CYP2C19: variants seen among roughly 807,000 people sequenced by gnomAD.
The protein encoded by CYP2C19 is cytochrome P450 2C19.
CYP2C19 carries 59 observed loss-of-function variants against 40.9 expected under a neutral mutation model. The observed-to-expected ratio is 1.44, with a 90% CI of 1.17 to 1.79. The LOEUF (loss-of-function observed/expected upper bound fraction) is 1.79, where lower values mean the gene tolerates loss of function less well. Among genes scored for constraint, CYP2C19 ranks in the 40% most tolerant of loss-of-function variants. The pLI is 0.00. For synonymous variants in CYP2C19, 253 were observed against 208.7 expected (o/e 1.21, Z -1.83); for missense variants, 754 against 596.9 (o/e 1.26, Z -2.74).
intron 6 of CYP2C19, among the ~76,000 whole-genome samples, chr10:94,830,570 A>C (rs1461464927): frequency 1.3e-5 from 2 of 152,114 alleles, no homozygotes; most frequent in Non-Finnish European, 2.9e-5. Flanking sequence ...CTCCCTAGTG[A>C]GATGAACCGG....
At chr10:94,824,463 G>C (rs1849180152) in intron 6 of CYP2C19, among the ~76,000 whole-genome samples, 1 of 152,136 alleles carries the variant, frequency 6.6e-6, no homozygotes, top group Non-Finnish European at 1.5e-5. Flanking sequence ...TGAGAATGAA[G>C]AGAATACCAT....
intron 1 of CYP2C19, 106 bp from the exon 2 acceptor site, chr10:94,774,952 A>G: frequency 2.5e-6 from 3 of 1,203,564 alleles, no homozygotes; most frequent in African/African-American, 1.5e-5. Context: ...AGCCTGTGTG[A>G]CTGAATAAAA....
intron 7 of CYP2C19, 79 bp from the exon 8 acceptor site, chr10:94,849,838 T>A: frequency 1.3e-6 from 2 of 1,543,392 alleles, no homozygotes; most frequent in South Asian, 2.2e-5. Context: ...ATCAAAAGAT[T>A]TAACTGCATG....
chr10:94,785,650 G>A (rs1564664450), intron 5 of CYP2C19, among the ~76,000 whole-genome samples: 1 of 152,134 alleles, frequency 6.6e-6, no homozygotes, highest in Non-Finnish European at 1.5e-5. Flanking sequence ...AAGCATTTGG[G>A]AATTCTCAGT....
intron 5 of CYP2C19, among the ~76,000 whole-genome samples, chr10:94,816,433 A>C (rs10509678): frequency 0.048 from 7,243 of 152,214 alleles, 235 homozygotes; most frequent in South Asian, 0.11. Flanking sequence ...GAGAAAATAT[A>C]AGTGGTAACA....
chr10:94,785,964 T>G lies in CYP2C19; in HGVS notation c.819+3967T>G, dbSNP rs967191342. On this transcript the variant is annotated intron_variant, in intron 5 of 8. Transcript: ENST00000371321. ...CCACTATGTAAATGCCACACCTGATTGAGCCAATCTTTGGGCCCTATATAA... is the reference window on the plus strand; with the variant it reads ...CCACTATGTAAATGCCACACCTGATGGAGCCAATCTTTGGGCCCTATATAA... Among the ~76,000 whole-genome samples, 6 of 152,116 alleles carry G rather than the reference T, an allele frequency of 3.9e-5. No homozygotes were observed. The South Asian group carries it at 1.2e-3, about 31-fold the overall frequency.
intron 7 of CYP2C19, among the ~76,000 whole-genome samples, chr10:94,849,620 A>C (rs1216537604): frequency 1.5e-5 from 2 of 133,958 alleles, no homozygotes; most frequent in Non-Finnish European, 1.6e-5. Context: ...TCCTAATGCT[A>C]TCCCTCCCCC....
chr10:94,849,413 C>T (rs1849618828), intron 7 of CYP2C19, among the ~76,000 whole-genome samples: 1 of 147,432 alleles, frequency 6.8e-6, no homozygotes, highest in African/African-American at 2.5e-5. Context: ...ATTAGCTGGT[C>T]AGAAGAGTAC....
chr10:94,819,065 A>T (rs1442371841), intron 5 of CYP2C19, among the ~76,000 whole-genome samples: 2 of 150,676 alleles, frequency 1.3e-5, no homozygotes, highest in Non-Finnish European at 3.0e-5. Flanking sequence ...CAATCAAACT[A>T]GAACTCAGGA....
At chr10:94,835,298 G>A (rs934328711) in intron 6 of CYP2C19, among the ~76,000 whole-genome samples, 4 of 152,164 alleles carry the variant, frequency 2.6e-5, no homozygotes, top group East Asian at 3.9e-4. Flanking sequence ...TCTGATGGGT[G>A]CTATCAATAC....
intron 7 of CYP2C19, among the ~76,000 whole-genome samples, chr10:94,849,203 A>T (rs2134291858): frequency 6.6e-6 from 1 of 152,266 alleles, no homozygotes; most frequent in Admixed American, 6.6e-5. Flanking sequence ...GAAGTGATGA[A>T]ATAGAGCAGC....
intron 7 of CYP2C19, among the ~76,000 whole-genome samples, chr10:94,844,331 C>T (rs562262908): frequency 2.2e-4 from 34 of 152,256 alleles, no homozygotes; most frequent in African/African-American, 7.7e-4. Context: ...AATGACATAA[C>T]ACATGTTGTC....
intron 5 of CYP2C19, among the ~76,000 whole-genome samples, chr10:94,798,085 G>C (rs954739612): frequency 6.6e-6 from 1 of 151,678 alleles, no homozygotes; most frequent in African/African-American, 2.4e-5. Flanking sequence ...TGTGAGTTTT[G>C]GTGTCAATTT....
chr10:94,850,978 T>A (rs901562939), intron 8 of CYP2C19, among the ~76,000 whole-genome samples: 2 of 152,186 alleles, frequency 1.3e-5, no homozygotes, highest in Non-Finnish European at 2.9e-5. Context: ...TGACCTTTGA[T>A]GTCTGCTTTA....
At chr10:94,779,798 G>A (rs1364873808) in intron 3 of CYP2C19, among the ~76,000 whole-genome samples, 1 of 152,040 alleles carries the variant, frequency 6.6e-6, no homozygotes, top group Non-Finnish European at 1.5e-5. Flanking sequence ...GACCTCAGGT[G>A]ATCCACCTGC....
chr10:94,852,810 A>G lies in CYP2C19; in HGVS notation c.1369A>G (p.Asn457Asp). The change falls in exon 9 of 9, where the codon AAC (asparagine) becomes GAC (aspartate). Residue 457 changes from asparagine (N) to aspartate (D), a missense_variant. Coordinates refer to ENST00000371321, the MANE Select transcript of CYP2C19 (RefSeq NM_000769.4). ...LFLTFILQNF[N>D]LKSLIDPKDL... ...CCTGACCTTCATTTTACAGAACTTT[A>G]ACCTGAAATCTCTGATTGACCCAAA... 6.2e-7 allele frequency: 1 copy of G among 1,614,124 alleles called. No homozygotes were observed. Among genetic ancestry groups the G allele is most frequent in the Non-Finnish European group, 8.5e-7 (1 of 1,179,994 alleles).
At chr10:94,822,022 A>T (rs962775173) in intron 6 of CYP2C19, among the ~76,000 whole-genome samples, 12 of 152,194 alleles carry the variant, frequency 7.9e-5, no homozygotes, top group African/African-American at 2.9e-4. Context: ...CTTCCCATTT[A>T]TAAGTGAGAA....
At chr10:94,766,895 A>T (rs1482264851) in intron 1 of CYP2C19, among the ~76,000 whole-genome samples, 1 of 152,094 alleles carries the variant, frequency 6.6e-6, no homozygotes, top group Non-Finnish European at 1.5e-5. Context: ...CTTCCCACAA[A>T]GAGGCCATAG....
chr10:94,836,480 T>C (rs1849405516), intron 6 of CYP2C19, among the ~76,000 whole-genome samples: 1 of 152,244 alleles, frequency 6.6e-6, no homozygotes, highest in Non-Finnish European at 1.5e-5. Context: ...CTTTAGGGCC[T>C]GGAAAGCCAC....
Sources: gnomAD v4.1 joint callset for allele counts (sites outside exome capture counted in the v4.1 genomes callset) on GRCh38, gnomAD v4.1.1 for gene constraint, MANE v1.5 for transcripts, NCBI Gene and HGNC (gene_info 2026-07-23, HGNC 2026-07-21) for gene names.